ATXN7L1: variants seen among roughly 807,000 people sequenced by gnomAD.
ATXN7L1 encodes ataxin-7-like protein 1.
ATXN7L1 carries 15 observed loss-of-function variants against 70.8 expected under a neutral mutation model. The ratio of observed to expected loss-of-function variants is 0.21; its 90% confidence interval spans 0.14 to 0.33. The LOEUF (loss-of-function observed/expected upper bound fraction) is 0.33. Among genes scored for constraint, ATXN7L1 ranks in the 10% least tolerant of loss-of-function variants. ATXN7L1 has a pLI of 1.00. For synonymous variants in ATXN7L1, 440 were observed against 445.1 expected, an observed-to-expected ratio of 0.99 and a Z score of 0.14; for missense variants, 975 against 1,097.1, an observed-to-expected ratio of 0.89 and a Z score of 1.57.
chr7:105,765,411 C>T (rs1801122572), intron 3 of ATXN7L1, among the ~76,000 whole-genome samples: 1 of 151,966 alleles, frequency 6.6e-6, no homozygotes, highest in African/African-American at 2.4e-5. Flanking sequence ...TTTGATCCTT[C>T]CCTGATCCTA....
intron 2 of ATXN7L1, among the ~76,000 whole-genome samples, chr7:105,867,583 G>A (rs931093216): frequency 2.6e-5 from 4 of 152,226 alleles, no homozygotes; most frequent in African/African-American, 9.6e-5. Flanking sequence ...TTCCCTGGGG[G>A]ACCGAGGCTT....
chr7:105,757,332 A>T (rs1248613909), intron 3 of ATXN7L1, among the ~76,000 whole-genome samples: 2 of 152,140 alleles, frequency 1.3e-5, no homozygotes, highest in African/African-American at 2.4e-5. Context: ...AGGCAGACTG[A>T]TATCTTCCTT....
chr7:105,724,823 T>C (rs1045048243), intron 3 of ATXN7L1, among the ~76,000 whole-genome samples: 2 of 151,854 alleles, frequency 1.3e-5, no homozygotes, highest in African/African-American at 4.8e-5. Context: ...ATTCTCTTTT[T>C]TCCCTCTGTT....
intron 3 of ATXN7L1, among the ~76,000 whole-genome samples, chr7:105,724,314 C>T (rs962557605): frequency 3.3e-5 from 5 of 152,166 alleles, no homozygotes; most frequent in Non-Finnish European, 5.9e-5. Flanking sequence ...TGGTTCACAC[C>T]TGTAATCCTA....
At chr7:105,750,799 T>C (rs1799119770) in intron 3 of ATXN7L1, among the ~76,000 whole-genome samples, 2 of 152,084 alleles carry the variant, frequency 1.3e-5, no homozygotes, top group East Asian at 3.9e-4. Flanking sequence ...TAAGACTCTG[T>C]CTCGAAAAAA....
chr7:105,703,928 G>A (rs947161768), intron 3 of ATXN7L1, among the ~76,000 whole-genome samples: 6 of 152,256 alleles, frequency 3.9e-5, no homozygotes, highest in African/African-American at 1.2e-4. Flanking sequence ...GTCAATAAAC[G>A]TTTGTTTGAT....
chr7:105,675,187 T>C (rs1804441935), intron 3 of ATXN7L1, among the ~76,000 whole-genome samples: 1 of 151,960 alleles, frequency 6.6e-6, no homozygotes. Flanking sequence ...GCAACCTGAA[T>C]AATCCATAAT....
intron 2 of ATXN7L1, among the ~76,000 whole-genome samples, chr7:105,801,303 A>C (rs1806782328): frequency 6.6e-6 from 1 of 152,226 alleles, no homozygotes; most frequent in Non-Finnish European, 1.5e-5. Context: ...CAGGGTGAGC[A>C]AACAGTAGAT....
intron 2 of ATXN7L1, among the ~76,000 whole-genome samples, chr7:105,809,836 T>C (rs1283272888): frequency 1.3e-5 from 2 of 151,986 alleles, no homozygotes; most frequent in Non-Finnish European, 2.9e-5. Flanking sequence ...AGTTATGCTA[T>C]CATAGCTCAC....
At chr7:105,804,689 C>T (rs1166771127) in intron 2 of ATXN7L1, among the ~76,000 whole-genome samples, 2 of 152,186 alleles carry the variant, frequency 1.3e-5, no homozygotes, top group African/African-American at 2.4e-5. Context: ...TGAGTATTTA[C>T]TCCACGTTAG....
At chr7:105,667,122 G>A (rs1562974976) in intron 3 of ATXN7L1, among the ~76,000 whole-genome samples, 1 of 152,204 alleles carries the variant, frequency 6.6e-6, no homozygotes, top group Non-Finnish European at 1.5e-5. Flanking sequence ...TTCCTTGGGG[G>A]AATTCGTCCT....
At chr7:105,773,424 G>A (rs1176996922) in intron 3 of ATXN7L1, among the ~76,000 whole-genome samples, 6 of 152,170 alleles carry the variant, frequency 3.9e-5, no homozygotes, top group Admixed American at 2.6e-4. Context: ...GGTGGATGAC[G>A]AGACTGTCCT....
intron 3 of ATXN7L1, among the ~76,000 whole-genome samples, chr7:105,778,687 T>C (rs573553097): frequency 1.1e-4 from 16 of 152,284 alleles, no homozygotes; most frequent in Non-Finnish European, 2.1e-4. Context: ...TGGAGGAAAT[T>C]TATCTACTCT....
At chr7:105,874,606 CAGA>C (rs766359708) in intron 2 of ATXN7L1, among the ~76,000 whole-genome samples, 17 of 152,180 alleles carry the variant, frequency 1.1e-4, no homozygotes, top group Non-Finnish European at 2.1e-4. Context: ...GCTTAATTAG[CAGA>C]AACATTATGC....
rs532963243 is a variant in ATXN7L1 at position 105,827,762 on chromosome 7, T to A, written c.251-39054A>T. ...GCTACTATAGATCCACAATCCCTTA[T>A]CCAAAGCTCTTGGGCTTAGTGGTTT... On this transcript the variant is annotated intron_variant, in intron 2 of 11. Coordinates refer to ENST00000419735, the MANE Select transcript of ATXN7L1 (RefSeq NM_020725.2). 2.0e-5 allele frequency among the ~76,000 whole-genome samples: 3 copies of A among 152,322 alleles called. No individual in the cohort carries two copies. The South Asian group carries it at 6.2e-4, about 32-fold the overall frequency.
At chr7:105,771,058 G>C (rs1801921300) in intron 3 of ATXN7L1, among the ~76,000 whole-genome samples, 1 of 151,948 alleles carries the variant, frequency 6.6e-6, no homozygotes, top group Non-Finnish European at 1.5e-5. Flanking sequence ...AAATCAGCTG[G>C]GTGTGGTGGT....
rs1461741665 is a variant in ATXN7L1 at position 105,665,132 on chromosome 7, T to C, written c.512A>G (p.Asn171Ser). ...CTGTTTGCTGCTGGAGGTAAGTAGA[T>C]TGTCTTTGGGCGTTTTGAATGGCTT... ...TSKPFKTPKD[N>S]LLTSSSKQHT... is the part of the protein sequence containing the mutation. Residue 171 changes from asparagine (N) to serine (S), a missense_variant, in exon 4 of 12, where the codon AAT becomes AGT. Physicochemically the swap from Asn to Ser is conservative, Grantham distance 46. Transcript: ENST00000419735. 10 of 1,551,672 alleles carry C rather than the reference T, an allele frequency of 6.4e-6. No homozygotes were observed. Among genetic ancestry groups the C allele is most frequent in the Non-Finnish European group, 8.7e-6 (10 of 1,146,978 alleles).
At chr7:105,668,819 G>C (rs570487751) in intron 3 of ATXN7L1, among the ~76,000 whole-genome samples, 1 of 152,154 alleles carries the variant, frequency 6.6e-6, no homozygotes, top group South Asian at 2.1e-4. Context: ...TGGGTGGATC[G>C]CTTGAGCCTG....
Position 105,875,626 on chromosome 7 carries a change from T to TCCCCC in ATXN7L1, c.250+185_250+186insGGGGG, listed in dbSNP as rs146310508. Among the ~76,000 whole-genome samples, 84 of 59,506 alleles carry TCCCCC rather than the reference T, an allele frequency of 1.4e-3. No homozygotes were observed. In the East Asian group the frequency reaches 0.015, roughly 10 times the overall value. 39.0% of individuals were successfully genotyped at this position (59,506 alleles called of 152,430 possible). On this transcript the variant is annotated intron_variant, in intron 2 of 11. Coordinates refer to ENST00000419735, the MANE Select transcript of ATXN7L1 (RefSeq NM_020725.2). ...TGCCTTCAACAGTCTCACCCCCCTT[T>TCCCCC]ACCCCCCCCCCAGTTGTATTTATAC...
Sources: allele counts gnomAD v4.1 joint callset (sites outside exome capture counted in the v4.1 genomes callset), GRCh38; gene constraint gnomAD v4.1.1; transcripts MANE v1.5; gene names NCBI Gene and HGNC (gene_info 2026-07-23, HGNC 2026-07-21).